The following CSNK1G2 variants were observed in gnomAD, a reference collection of about 807,000 sequenced individuals.
CSNK1G2 encodes the protein casein kinase 1 gamma 2, also known as casein kinase I isoform gamma-2.
A neutral mutation model predicts 48.0 loss-of-function variants in CSNK1G2; 11 were observed. The ratio of observed to expected loss-of-function variants is 0.23; its 90% CI spans 0.14 to 0.38. The LOEUF is 0.38. Among genes scored for constraint, CSNK1G2 ranks in the 10% least tolerant of loss-of-function variants. The pLI is 1.00. For missense variants in CSNK1G2, 446 were observed against 595.5 expected (o/e 0.75, Z 2.61); for synonymous variants, 337 against 254.1 (o/e 1.33, Z -3.10).
At chr19:1,947,142 C>A (rs1276848676) in intron 1 of CSNK1G2, among the ~76,000 whole-genome samples, 1 of 152,136 alleles carries the variant, frequency 6.6e-6, no homozygotes, top group Non-Finnish European at 1.5e-5. Flanking sequence ...CCTTTGGAGG[C>A]TTGAAAAAAG....
At chr19:1,963,311 A>G (rs1207522675) in intron 1 of CSNK1G2, among the ~76,000 whole-genome samples, 1 of 152,082 alleles carries the variant, frequency 6.6e-6, no homozygotes, top group Non-Finnish European at 1.5e-5. Flanking sequence ...TCCCGGGTTC[A>G]TGCCATTCTC....
intron 6 of CSNK1G2, 33 bp downstream of exon 6, chr19:1,979,126 C>A: frequency 6.4e-7 from 1 of 1,565,456 alleles, no homozygotes. Context: ...GGGGCGGGCG[C>A]CCGGACCCCG....
intron 2 of CSNK1G2, among the ~76,000 whole-genome samples, chr19:1,976,678 A>G (rs1014943331): frequency 2.6e-5 from 4 of 151,618 alleles, no homozygotes; most frequent in African/African-American, 9.7e-5. Context: ...CATTGTCTCC[A>G]CGGCCACCCT....
intron 1 of CSNK1G2, among the ~76,000 whole-genome samples, chr19:1,966,847 T>C (rs1035165056): frequency 2.6e-5 from 4 of 152,158 alleles, no homozygotes; most frequent in African/African-American, 9.7e-5. Context: ...ATCATTACCA[T>C]TGCTTAGCAG....
chr19:1,979,431 T>TTCCCCCCCCCCCCCCCCCC, intron 8 of CSNK1G2, 28 bp downstream of exon 8: 1 of 938,056 alleles, frequency 1.1e-6, no homozygotes, highest in South Asian at 1.4e-5. Flanking sequence ...CCCCGCCCTG[T>TTCCCCCCCCCCCCCCCCCC]GCCCCCCACC....
chr19:1,969,848 A>G lies in CSNK1G2; in HGVS notation c.76A>G (p.Ser26Gly), dbSNP rs1293378145. ...AATGTCCAAGGCCGGCGGGGGCCGG[A>G]GCAGCCACGGCATCCGGAGCTCGGG... ...RRMSKAGGGR[S>G]SHGIRSSGTS... The change falls in exon 2 of 12, where the codon AGC becomes GGC. Residue 26 changes from serine (S) to glycine (G), a missense_variant. This residue lies in a region of CSNK1G2 where 258 missense variants were observed against 415.9 expected (regional missense o/e 0.62). Coordinates refer to ENST00000255641, the MANE Select transcript of CSNK1G2 (RefSeq NM_001319.7). 2.3e-6 allele frequency: 3 copies of G among 1,310,888 alleles called. No individual in the cohort carries two copies. Among genetic ancestry groups the G allele is most frequent in the Non-Finnish European group, 2.0e-6 (2 of 1,021,270 alleles). 81.2% of individuals were successfully genotyped at this position (1,310,888 alleles called of 1,614,324 possible). A position where few individuals can be genotyped will look rare whatever the true frequency, so the allele number is the denominator to read the frequency against.
chr19:1,970,081 C>T, intron 2 of CSNK1G2, 122 bp downstream of exon 2: 1 of 699,308 alleles, frequency 1.4e-6, no homozygotes. Context: ...CGCCCCATGT[C>T]ACTGGCAGGT....
intron 1 of CSNK1G2, among the ~76,000 whole-genome samples, chr19:1,967,626 C>T (rs904599679): frequency 6.6e-6 from 1 of 152,096 alleles, no homozygotes; most frequent in African/African-American, 2.4e-5. Context: ...ACCACCCGAG[C>T]GTCCAGTTAA....
chr19:1,954,155 C>T lies in CSNK1G2; in HGVS notation c.-266+12737C>T, dbSNP rs557028800. The T allele has an allele frequency of 7.1e-6, 3 of 422,914 alleles. No individual in the cohort carries two copies. The East Asian group carries it at 1.7e-4, about 24-fold the overall frequency. 26.2% of individuals were successfully genotyped at this position (422,914 alleles called of 1,614,324 possible). The stretch of plus-strand genomic sequence containing the variant: ...TAAACCCATTACCGGCCTAGGTCAG[C>T]CTGAGGTTGGTTTGTCCTGGCCGCG... On this transcript the variant is annotated intron_variant, in intron 1 of 11. Transcript: ENST00000255641.
rs988897794 is a variant in CSNK1G2, at chr19:1,957,041, C to T, written c.-265-12467C>T. Among the ~76,000 whole-genome samples, 5 of 152,274 alleles carry T rather than the reference C, an allele frequency of 3.3e-5. No homozygotes were observed. Among genetic ancestry groups the T allele is most frequent in the Middle Eastern group, 3.4e-3 (1 of 294 alleles). Reference sequence around the variant, plus strand: ...GAAGGCTGGTGGTGGCGCCCCCCTTCGACGGTCGTGCCCTGATGCTGCGTG... The same window carrying T: ...GAAGGCTGGTGGTGGCGCCCCCCTTTGACGGTCGTGCCCTGATGCTGCGTG... On this transcript the variant is annotated intron_variant, in intron 1 of 11. Transcript: ENST00000255641. The surrounding 1 kb of genome is among the most constrained non-coding windows in gnomAD (Gnocchi z 5.4).
At chr19:1,958,036 G>A (rs1395211924) in intron 1 of CSNK1G2, among the ~76,000 whole-genome samples, 2 of 152,126 alleles carry the variant, frequency 1.3e-5, no homozygotes, top group East Asian at 1.9e-4. Flanking sequence ...GCGTCCTGAC[G>A]ACGGCACTGC....
intron 1 of CSNK1G2, among the ~76,000 whole-genome samples, chr19:1,943,492 A>G (rs2014442148): frequency 6.6e-6 from 1 of 152,152 alleles, no homozygotes; most frequent in Non-Finnish European, 1.5e-5. Context: ...TGGGCTACAA[A>G]GGAAGTAGGC....
intron 1 of CSNK1G2, among the ~76,000 whole-genome samples, chr19:1,946,761 T>C (rs1964415): frequency 0.6 from 90,836 of 151,330 alleles, 28,265 homozygotes; most frequent in Non-Finnish European, 0.69. Flanking sequence ...TACAGGTACA[T>C]GCCATCACGC....
rs1013808621 is a variant in CSNK1G2, at chr19:1,980,549, G to C, written c.*346G>C. The C allele has an allele frequency of 6.2e-5, 20 of 322,570 alleles. No individual in the cohort carries two copies. Among genetic ancestry groups the C allele is most frequent in the Non-Finnish European group, 9.9e-5 (17 of 171,616 alleles). The allele number at this position is 322,570 out of a possible 1,614,324, so 20.0% of individuals were successfully genotyped here. A position where few individuals can be genotyped will look rare whatever the true frequency, so the allele number is the denominator to read the frequency against. On this transcript the variant is annotated 3_prime_UTR_variant, in exon 12 of 12. Coordinates refer to ENST00000255641, the MANE Select transcript of CSNK1G2 (RefSeq NM_001319.7). ...TGCTGAAGTGAGTAGTGTGATCCTG[G>C]AGGCCCCCCGGCCTGGCCCCGCCCC...
At chr19:1,964,757 C>T (rs1325344710) in intron 1 of CSNK1G2, among the ~76,000 whole-genome samples, 5 of 150,184 alleles carry the variant, frequency 3.3e-5, no homozygotes, top group East Asian at 2.0e-4. Flanking sequence ...GACTGATTCT[C>T]GCTCGTCACC....
chr19:1,955,437 C>T (rs2014951101), intron 1 of CSNK1G2, among the ~76,000 whole-genome samples: 1 of 150,982 alleles, frequency 6.6e-6, no homozygotes, highest in Non-Finnish European at 1.5e-5. Flanking sequence ...CACTGGGCTG[C>T]CCTTCACCGG....
chr19:1,953,351 G>A (rs373493757), intron 1 of CSNK1G2: 25 of 532,306 alleles, frequency 4.7e-5, no homozygotes, highest in African/African-American at 4.6e-4. Context: ...GTGGGGGCCT[G>A]TGCGCCATGG....
intron 1 of CSNK1G2, among the ~76,000 whole-genome samples, chr19:1,945,126 C>T (rs886274019): frequency 2.0e-5 from 3 of 152,238 alleles, no homozygotes; most frequent in African/African-American, 7.2e-5. Context: ...CCTTCTCGCC[C>T]TGCCCAGAGT....
chr19:1,974,033 G>A (rs1053602179), intron 2 of CSNK1G2, among the ~76,000 whole-genome samples: 11 of 151,882 alleles, frequency 7.2e-5, no homozygotes, highest in African/African-American at 9.7e-5. Context: ...GATTACAGGC[G>A]CCCGTCACCA....
Sources: gnomAD v4.1 joint callset for allele counts (sites outside exome capture counted in the v4.1 genomes callset) on GRCh38, gnomAD v4.1.1 for gene constraint, gnomAD v4.1.1 regional missense constraint, Gnocchi (gnomAD v3.1) non-coding constraint, MANE v1.5 for transcripts, NCBI Gene and HGNC (gene_info 2026-07-23, HGNC 2026-07-21) for gene names.